Variants in CRMP1 observed in about 807,000 individuals in gnomAD.
CRMP1 encodes dihydropyrimidinase-related protein 1.
In CRMP1, 19 loss-of-function variants were observed where a neutral mutation model predicts 68.3. The observed-to-expected ratio is 0.28, with a 90% CI of 0.19 to 0.41. The LOEUF (loss-of-function observed/expected upper bound fraction) is 0.41, where lower values mean the gene tolerates loss of function less well. CRMP1 is among the 10% of genes least tolerant of loss of function. The pLI is 1.00. For missense variants in CRMP1, 791 were observed against 967.4 expected (o/e 0.82, Z 2.42); for synonymous variants, 439 against 399.6 (o/e 1.10, Z -1.18).
At chr4:5,830,933 T>TGTAA (rs1418756505) in intron 11 of CRMP1, among the ~76,000 whole-genome samples, 3 of 152,192 alleles carry the variant, frequency 2.0e-5, no homozygotes, top group East Asian at 1.9e-4. Flanking sequence ...CCTGAATTTA[T>TGTAA]GTAAGTCTTT....
At chr4:5,835,106 C>A (rs2152457813) in intron 11 of CRMP1, among the ~76,000 whole-genome samples, 1 of 150,320 alleles carries the variant, frequency 6.7e-6, no homozygotes, top group African/African-American at 2.5e-5. Flanking sequence ...ACTCCTTCTG[C>A]AGTATGTGAG....
chr4:5,887,401 G>A lies in CRMP1; in HGVS notation c.381+5188C>T, dbSNP rs144204616. ...TGCTCCTGCATACATGGGCTCCAGT[G>A]GTCCGCATCCCTCAGGAACAGTCAG... On this transcript the variant is annotated intron_variant, in intron 1 of 13. Transcript: ENST00000324989. 7.3e-3 allele frequency: 7,212 copies of A among 985,598 alleles called. 17 individuals carry two copies. Among genetic ancestry groups the A allele is most frequent in the Non-Finnish European group, 8.2e-3 (6,847 of 830,116 alleles). 61.1% of individuals were successfully genotyped at this position (985,598 alleles called of 1,614,324 possible).
In CRMP1 at chr4:5,870,375, T is replaced by C. The variant is rs151297698; in HGVS notation, c.382-3619A>G. ...ACTTGCCACACTGGAATCACAGCTT[T>C]GGTGTGTTACCCCACTGGCAGTGCA... On this transcript the variant is annotated intron_variant, in intron 1 of 13. Coordinates refer to ENST00000324989, the MANE Select transcript of CRMP1 (RefSeq NM_001014809.3). This position sits in a 1 kb window ranked among gnomAD's most constrained non-coding sequence, Gnocchi z 6.0. Among the ~76,000 whole-genome samples the C allele has an allele frequency of 1.9e-3, 289 of 152,362 alleles. 4 individuals carry two copies. The East Asian group carries it at 0.05, about 27-fold the overall frequency.
At position 5,828,169 on chromosome 4, in the gene CRMP1, T is replaced by C. The variant is rs113132042; in HGVS notation, c.1803+320A>G. 5,683 of 985,306 alleles carry C rather than the reference T, an allele frequency of 5.8e-3. 240 individuals carry two copies. The African/African-American group carries it at 0.092, about 16-fold the overall frequency. The allele number at this position is 985,306 out of a possible 1,614,324, so 61.0% of individuals were successfully genotyped here. A position where few individuals can be genotyped will look rare whatever the true frequency, so the allele number is the denominator to read the frequency against. On this transcript the variant is annotated intron_variant, in intron 12 of 13. Transcript: ENST00000324989. ...GGAGGATCACAGCACCTCCCGTGGG[T>C]GGGCAGGATTACTTAAGATGACGCA... is the stretch of plus-strand genomic sequence containing the variant.
chr4:5,886,119 G>T (rs1715567855), intron 1 of CRMP1, among the ~76,000 whole-genome samples: 1 of 152,184 alleles, frequency 6.6e-6, no homozygotes, highest in Non-Finnish European at 1.5e-5. Context: ...AACCACAAAC[G>T]CTTCTGGCTG....
intron 11 of CRMP1, 109 bp downstream of exon 11, chr4:5,835,806 T>C (rs1577757021): frequency 4.8e-6 from 6 of 1,240,036 alleles, no homozygotes; most frequent in Non-Finnish European, 6.3e-6. Context: ...AGGCTAGATA[T>C]CAGATCACAT....
chr4:5,825,302 C>G lies in CRMP1; in HGVS notation c.1969+192G>C, dbSNP rs925573841. 3.0e-6 allele frequency: 3 copies of G among 985,034 alleles called. No individual in the cohort carries two copies. Among genetic ancestry groups the G allele is most frequent in the Non-Finnish European group, 3.6e-6 (3 of 829,834 alleles). 61.0% of individuals were successfully genotyped at this position (985,034 alleles called of 1,614,324 possible). On this transcript the variant is annotated intron_variant, in intron 13 of 13. Coordinates refer to ENST00000324989, the MANE Select transcript of CRMP1 (RefSeq NM_001014809.3). The surrounding 1 kb of genome is among the most constrained non-coding windows in gnomAD (Gnocchi z 4.4). Reference sequence around the variant, plus strand: ...CACCATGTTGCCCCCCTAACATGGACCCCCCTCTGCTTGGTGACCATGCCA... The same window carrying G: ...CACCATGTTGCCCCCCTAACATGGAGCCCCCTCTGCTTGGTGACCATGCCA...
rs114530722 is a variant in CRMP1 at position 5,826,352 on chromosome 4, G to C, written c.1804-693C>G. ...GTTTGTTGGGAGATGGTTCCAGAAA[G>C]GGGGAAGGAGTGGGGAGCTGAGACA... On this transcript the variant is annotated intron_variant, in intron 12 of 13. Transcript: ENST00000324989. 630 of 153,058 alleles carry C rather than the reference G, an allele frequency of 4.1e-3. 1 individual carries two copies. Among genetic ancestry groups the C allele is most frequent in the Middle Eastern group, 0.024 (7 of 294 alleles). 9.5% of individuals were successfully genotyped at this position (153,058 alleles called of 1,614,324 possible).
Position 5,834,661 on chromosome 4 carries a change from C to T in CRMP1, c.1623+1254G>A, listed in dbSNP as rs1720606637. On this transcript the variant is annotated intron_variant, in intron 11 of 13. Transcript: ENST00000324989. The surrounding 1 kb of genome is among the most constrained non-coding windows in gnomAD (Gnocchi z 4.3). Reference sequence around the variant, plus strand: ...TCTCAGACGCTCTCCCATTGCCTCTCCTATGTGCACAGACCCCAAGCAGTG... The same window carrying T: ...TCTCAGACGCTCTCCCATTGCCTCTTCTATGTGCACAGACCCCAAGCAGTG... 6.6e-6 allele frequency among the ~76,000 whole-genome samples: 1 copy of T among 152,184 alleles called. No homozygotes were observed. The highest frequency in any genetic ancestry group is 1.5e-5 in the Non-Finnish European group (1 of 68,050).
At position 5,866,591 on chromosome 4, in the gene CRMP1, G is replaced by T; in HGVS notation, c.470+77C>A. ...CAGCCCCGTCATTCTAGGACAGAAT[G>T]CCAGCCTTCTGTTCCATCTAAGGCC... On this transcript the variant is annotated intron_variant, in intron 2 of 13. Transcript: ENST00000324989. The surrounding 1 kb of genome is among the most constrained non-coding windows in gnomAD (Gnocchi z 5.9). 9.4e-7 allele frequency: 1 copy of T among 1,058,714 alleles called. No individual in the cohort carries two copies. Among genetic ancestry groups the T allele is most frequent in the Non-Finnish European group, 1.4e-6 (1 of 697,250 alleles). The allele number at this position is 1,058,714 out of a possible 1,614,324, so 65.6% of individuals were successfully genotyped here. A position where few individuals can be genotyped will look rare whatever the true frequency, so the allele number is the denominator to read the frequency against.
Position 5,839,196 on chromosome 4 carries a change from G to T in CRMP1, c.1310+326C>A, listed in dbSNP as rs139274327. On this transcript the variant is annotated intron_variant, in intron 9 of 13. Transcript: ENST00000324989. Reference sequence around the variant, plus strand: ...AGAGATGTCACGGGTGACGTGCCAGGTCCGGGGTGACACAGCCTTGTCTCC... The same window carrying T: ...AGAGATGTCACGGGTGACGTGCCAGTTCCGGGGTGACACAGCCTTGTCTCC... Among the ~76,000 whole-genome samples, 167 of 152,356 alleles carry T rather than the reference G, an allele frequency of 1.1e-3. 1 individual carries two copies. Among genetic ancestry groups the T allele is most frequent in the Non-Finnish European group, 1.7e-3 (116 of 68,040 alleles).
chr4:5,869,265 C>G (rs995428161), intron 1 of CRMP1, among the ~76,000 whole-genome samples: 6 of 152,122 alleles, frequency 3.9e-5, no homozygotes, highest in African/African-American at 1.4e-4. Flanking sequence ...TTTTCCACTT[C>G]TTGAAGGCTT....
chr4:5,872,198 G>A lies in CRMP1; in HGVS notation c.382-5442C>T, dbSNP rs1454945188. Reference sequence around the variant, plus strand: ...TGCCTTCTAAGGCTGCCTTTCTCATGCAGGAAATATGAGTGCACAGAACTG... The same window carrying A: ...TGCCTTCTAAGGCTGCCTTTCTCATACAGGAAATATGAGTGCACAGAACTG... On this transcript the variant is annotated intron_variant, in intron 1 of 13. Coordinates refer to ENST00000324989, the MANE Select transcript of CRMP1 (RefSeq NM_001014809.3). This position sits in a 1 kb window ranked among gnomAD's most constrained non-coding sequence, Gnocchi z 4.6. Among the ~76,000 whole-genome samples, 1 of 151,878 alleles carries A rather than the reference G, an allele frequency of 6.6e-6. No homozygotes were observed. Among genetic ancestry groups the A allele is most frequent in the Non-Finnish European group, 1.5e-5 (1 of 67,988 alleles).
At chr4:5,839,718 C>T (rs1200115472) in intron 8 of CRMP1, 40 bp from the exon 9 acceptor site, 8 of 1,579,008 alleles carry the variant, frequency 5.1e-6, no homozygotes, top group South Asian at 1.2e-5. Flanking sequence ...AAAGCAAATA[C>T]TCTCTTGAGG....
chr4:5,871,822 G>A (rs1463149352), intron 1 of CRMP1, among the ~76,000 whole-genome samples: 1 of 152,222 alleles, frequency 6.6e-6, no homozygotes, highest in Non-Finnish European at 1.5e-5. Context: ...AGGTCCCTTT[G>A]TGGTGTGGAA....
Position 5,854,306 on chromosome 4 carries a change from G to C in CRMP1, c.820+1837C>G, listed in dbSNP as rs1560503887. Among the ~76,000 whole-genome samples the C allele has an allele frequency of 6.6e-6, 1 of 151,248 alleles. No individual in the cohort carries two copies. The highest frequency in any genetic ancestry group is 2.4e-5 in the African/African-American group (1 of 41,088). On this transcript the variant is annotated intron_variant, in intron 4 of 13. Transcript: ENST00000324989. The surrounding 1 kb of genome is among the most constrained non-coding windows in gnomAD (Gnocchi z 4.0). ...ACTCTATGAGCCAGGCTGGAGTGCA[G>C]TGCTCACTCCAGCCTCAACCTCCCA... is the stretch of plus-strand genomic sequence containing the variant.
chr4:5,823,858 C>CACTA (rs1265330024), intron 13 of CRMP1, among the ~76,000 whole-genome samples: 1 of 152,200 alleles, frequency 6.6e-6, no homozygotes, highest in African/African-American at 2.4e-5. Flanking sequence ...CGAAAACAGA[C>CACTA]ACTAACTCAT....
chr4:5,869,243 G>A (rs181898685), intron 1 of CRMP1, among the ~76,000 whole-genome samples: 187 of 152,208 alleles, frequency 1.2e-3, no homozygotes, highest in African/African-American at 4.3e-3. Flanking sequence ...GTGAGCCACC[G>A]TGCCTTGGCA....
intron 6 of CRMP1, among the ~76,000 whole-genome samples, chr4:5,848,262 G>T (rs1476575637): frequency 1.3e-5 from 2 of 151,852 alleles, no homozygotes; most frequent in African/African-American, 4.8e-5. Context: ...CTCTGCCTCA[G>T]CCTCACACCT....
Sources: allele counts gnomAD v4.1 joint callset (sites outside exome capture counted in the v4.1 genomes callset), GRCh38; gene constraint gnomAD v4.1.1; non-coding constraint Gnocchi (gnomAD v3.1); transcripts MANE v1.5; gene names NCBI Gene and HGNC (gene_info 2026-07-23, HGNC 2026-07-21).